The following PIN4 variants were observed in gnomAD, a reference collection of about 807,000 sequenced individuals.
The protein encoded by PIN4 is peptidylprolyl cis/trans isomerase, NIMA-interacting 4, also known as peptidyl-prolyl cis-trans isomerase NIMA-interacting 4.
Under a neutral mutation model 8.3 loss-of-function variants are expected in PIN4, and 3 were observed. That is an observed-to-expected ratio of 0.36 (90% CI 0.16 to 0.93). The LOEUF is 0.93. Among genes scored for constraint, PIN4 ranks in the 40% least tolerant of loss-of-function variants. PIN4 has a pLI of 0.44. For missense variants in PIN4, 75 were observed against 100.6 expected (o/e 0.75, Z 1.09); for synonymous variants, 18 against 32.5 (o/e 0.55, Z 1.52).
intron 3 of PIN4, among the ~76,000 whole-genome samples, chrX:72,262,395 T>A (rs913875691): frequency 1.8e-5 from 2 of 112,126 alleles, no homozygotes; most frequent in Non-Finnish European, 3.8e-5. Flanking sequence ...CTAGAAGTAT[T>A]TCTGTCCTTC....
chrX:72,230,711 C>G (rs549127322), intron 3 of PIN4, among the ~76,000 whole-genome samples: 3 of 112,060 alleles, frequency 2.7e-5, no homozygotes, highest in African/African-American at 9.7e-5. Context: ...GCCTGTAATC[C>G]CAGCACTTTG....
intron 3 of PIN4, among the ~76,000 whole-genome samples, chrX:72,229,487 C>T (rs777151741): frequency 8.9e-6 from 1 of 111,829 alleles, no homozygotes; most frequent in South Asian, 3.8e-4. Context: ...TCTCCCTGGC[C>T]TCCTCCTTGT....
chrX:72,189,917 C>T (rs1470209612), intron 2 of PIN4, among the ~76,000 whole-genome samples: 1 of 110,821 alleles, frequency 9.0e-6, no homozygotes, highest in Non-Finnish European at 1.9e-5. Context: ...GGGTTCAGCT[C>T]CTTTCACATT....
At chrX:72,258,419 C>T (rs2043122579) in intron 3 of PIN4, among the ~76,000 whole-genome samples, 1 of 112,429 alleles carries the variant, frequency 8.9e-6, no homozygotes, top group African/African-American at 3.2e-5. Context: ...CAGCCACACG[C>T]ACACTGATTG....
intron 2 of PIN4, 88 bp from the exon 3 acceptor site, chrX:72,196,697 C>T: frequency 2.7e-6 from 2 of 743,690 alleles, no homozygotes; most frequent in Admixed American, 3.4e-5. Context: ...TTTTTTTTAA[C>T]TGGTGGGGGT....
intron 1 of PIN4, among the ~76,000 whole-genome samples, chrX:72,185,979 C>T (rs965654291): frequency 8.0e-5 from 9 of 111,814 alleles, no homozygotes; most frequent in Non-Finnish European, 1.1e-4. Flanking sequence ...GCCAGGCTTC[C>T]GGAGCTTTCA....
At chrX:72,251,907 T>C (rs1367767747) in intron 3 of PIN4, among the ~76,000 whole-genome samples, 1 of 110,437 alleles carries the variant, frequency 9.1e-6, no homozygotes, top group Non-Finnish European at 1.9e-5. Context: ...CCAGCCTGGG[T>C]GACAGTGTGA....
intron 3 of PIN4, among the ~76,000 whole-genome samples, chrX:72,218,495 CT>C (rs200615272): frequency 1.2e-3 from 118 of 97,028 alleles, no homozygotes; most frequent in Non-Finnish European, 1.1e-3. Context: ...ATTTCTTTCT[CT>C]TTTTTTTTTT....
intron 3 of PIN4, among the ~76,000 whole-genome samples, chrX:72,260,930 C>T (rs1009809317): frequency 3.6e-5 from 4 of 111,903 alleles, no homozygotes; most frequent in African/African-American, 1.3e-4. Flanking sequence ...AAAAGCCTTC[C>T]GCGGCCCTCT....
chrX:72,188,007 T>TA (rs1157211789), intron 2 of PIN4, among the ~76,000 whole-genome samples: 1 of 99,363 alleles, frequency 1.0e-5, no homozygotes, highest in East Asian at 3.8e-4. Context: ...TCAATGAACC[T>TA]ATGCCCCACA....
intron 3 of PIN4, among the ~76,000 whole-genome samples, chrX:72,214,672 C>CAAA (rs58451189): frequency 2.4e-5 from 1 of 41,985 alleles, no homozygotes; most frequent in African/African-American, 8.6e-5. Context: ...GACTCCATCT[C>CAAA]AAAAAAAAAA....
At chrX:72,194,309 C>T (rs1195567623) in intron 2 of PIN4, among the ~76,000 whole-genome samples, 2 of 110,847 alleles carry the variant, frequency 1.8e-5, no homozygotes, top group Non-Finnish European at 3.8e-5. Flanking sequence ...CCAAGACAAG[C>T]GGATCACCTG....
At chrX:72,181,885 A>T in intron 1 of PIN4, 57 bp downstream of exon 1, 2 of 712,817 alleles carry the variant, frequency 2.8e-6, no homozygotes, top group Non-Finnish European at 4.4e-6. Context: ...GAAGGGAGGG[A>T]ACAGACAGTC....
At chrX:72,182,373 T>G (rs778758176) in intron 1 of PIN4, among the ~76,000 whole-genome samples, 26 of 110,740 alleles carry the variant, frequency 2.3e-4, no homozygotes, top group South Asian at 1.5e-3. Flanking sequence ...AAACCCCGTC[T>G]CTACTAAAAA....
At chrX:72,198,750 T>C (rs750496063), downstream of PIN4, 2 of 111,456 alleles carry the variant, frequency 1.8e-5, no homozygotes, top group African/African-American at 3.3e-5. Flanking sequence ...CCCAGCATTT[T>C]AGGAGGCCAA....
In PIN4 at chrX:72,187,805, AAAAT is replaced by A. The variant is rs751831524; in HGVS notation, c.117+1279_117+1282del. ...CAACAGAGCGAGACCCTGTCTCAAA[AAAAT>A]AAATAAAAAGTAAGAGATGGTCCTT... On this transcript the variant is annotated intron_variant, in intron 2 of 3. Transcript: ENST00000373669. Among the ~76,000 whole-genome samples the A allele has an allele frequency of 3.7e-3, 417 of 112,272 alleles. 1 individual carries two copies. Among genetic ancestry groups the A allele is most frequent in the African/African-American group, 0.013 (403 of 30,923 alleles).
intron 3 of PIN4, among the ~76,000 whole-genome samples, chrX:72,211,551 G>A (rs1471096569): frequency 8.9e-6 from 1 of 111,787 alleles, no homozygotes; most frequent in East Asian, 2.8e-4. Context: ...GAGGATTACA[G>A]TCTGGATTAC....
chrX:72,187,477 T>A (rs906602461), intron 2 of PIN4, among the ~76,000 whole-genome samples: 13 of 111,503 alleles, frequency 1.2e-4, no homozygotes, highest in African/African-American at 4.2e-4. Context: ...GCTCTGGGGA[T>A]TTTTTATCAT....
chrX:72,244,506 C>T (rs1156483642), intron 3 of PIN4, among the ~76,000 whole-genome samples: 4 of 111,482 alleles, frequency 3.6e-5, no homozygotes, highest in Non-Finnish European at 7.5e-5. Flanking sequence ...GCCTAGAATG[C>T]TGAGTTGAAA....
Sources: gnomAD v4.1 joint callset for allele counts (sites outside exome capture counted in the v4.1 genomes callset) on GRCh38, gnomAD v4.1.1 for gene constraint, MANE v1.5 for transcripts, NCBI Gene and HGNC (gene_info 2026-07-23, HGNC 2026-07-21) for gene names.